ADAM32: variants seen among roughly 807,000 people sequenced by gnomAD.
ADAM32 encodes ADAM metallopeptidase domain 32.
Under a neutral mutation model 114.9 loss-of-function variants are expected in ADAM32, and 89 were observed. That is an observed-to-expected ratio of 0.77 (90% CI 0.65 to 0.92). The LOEUF is 0.92. Among genes scored for constraint, ADAM32 ranks in the 40% least tolerant of loss-of-function variants. The pLI is 0.00. For synonymous variants in ADAM32, 285 were observed against 307.5 expected (o/e 0.93, Z 0.77); for missense variants, 870 against 932.8 (o/e 0.93, Z 0.88).
At chr8:39,131,444 T>C (rs1802449818) in intron 2 of ADAM32, among the ~76,000 whole-genome samples, 2 of 152,172 alleles carry the variant, frequency 1.3e-5, no homozygotes, top group African/African-American at 4.8e-5. Context: ...TGAGCTGAGA[T>C]TGTGCCACAG....
intron 16 of ADAM32, among the ~76,000 whole-genome samples, chr8:39,244,825 A>T (rs917306055): frequency 3.3e-5 from 5 of 152,112 alleles, no homozygotes; most frequent in Non-Finnish European, 5.9e-5. Flanking sequence ...CGTTGTGCAC[A>T]TGTATCCTAA....
chr8:39,188,868 C>G (rs10095244), intron 11 of ADAM32, among the ~76,000 whole-genome samples: 37,520 of 152,056 alleles, frequency 0.25, 5,000 homozygotes, highest in Non-Finnish European at 0.29. Flanking sequence ...AATAATAGCA[C>G]ACGTGTAACT....
intron 7 of ADAM32, among the ~76,000 whole-genome samples, chr8:39,163,458 T>C (rs1432635973): frequency 9.1e-5 from 2 of 21,908 alleles, no homozygotes; most frequent in East Asian, 1.3e-3. Flanking sequence ...GGTGGGAAAA[T>C]TGGGGAAGGA....
At chr8:39,212,707 C>A (rs533517584) in intron 12 of ADAM32, among the ~76,000 whole-genome samples, 1 of 151,980 alleles carries the variant, frequency 6.6e-6, no homozygotes, top group South Asian at 2.1e-4. Flanking sequence ...CTGTTTTAAC[C>A]ATTCACCTGC....
intron 11 of ADAM32, among the ~76,000 whole-genome samples, chr8:39,210,911 C>CTG (rs144579864): frequency 1.5e-3 from 230 of 150,416 alleles, no homozygotes; most frequent in African/African-American, 3.9e-3. Flanking sequence ...AATTGGATTA[C>CTG]TGTGTGTGTG....
At chr8:39,211,770 A>G (rs1808237928) in intron 12 of ADAM32, among the ~76,000 whole-genome samples, 2 of 152,158 alleles carry the variant, frequency 1.3e-5, no homozygotes, top group African/African-American at 4.8e-5. Flanking sequence ...TGATAGGGAA[A>G]CCCTGAAAAT....
intron 18 of ADAM32, among the ~76,000 whole-genome samples, chr8:39,256,921 A>G (rs1159430839): frequency 1.3e-5 from 2 of 151,954 alleles, no homozygotes; most frequent in African/African-American, 4.8e-5. Flanking sequence ...TTTTGTCCCT[A>G]CTTAGAGGGT....
intron 11 of ADAM32, among the ~76,000 whole-genome samples, chr8:39,210,754 A>C (rs911348500): frequency 4.6e-5 from 7 of 152,258 alleles, no homozygotes; most frequent in African/African-American, 1.7e-4. Context: ...TTTTTCTGAG[A>C]TCTTCAGGAC....
intron 6 of ADAM32, 140 bp downstream of exon 6, chr8:39,151,688 T>TTTC: frequency 1.5e-6 from 1 of 685,816 alleles, no homozygotes; most frequent in Non-Finnish European, 2.2e-6. Context: ...TTTTTTTTTT[T>TTTC]TTTCTCACTC....
chr8:39,227,930 G>A (rs533168331), intron 14 of ADAM32, among the ~76,000 whole-genome samples: 11 of 152,214 alleles, frequency 7.2e-5, no homozygotes, highest in South Asian at 2.1e-4. Flanking sequence ...AGTCCATTAC[G>A]CCCTCCGCTG....
intron 5 of ADAM32, 107 bp from the exon 6 acceptor site, chr8:39,151,270 A>G: frequency 1.0e-6 from 1 of 992,212 alleles, no homozygotes; most frequent in Non-Finnish European, 1.4e-6. Flanking sequence ...ATTCAGAAAA[A>G]AATACTGGAC....
At chr8:39,250,187 C>T (rs1426468516) in intron 17 of ADAM32, among the ~76,000 whole-genome samples, 1 of 151,588 alleles carries the variant, frequency 6.6e-6, no homozygotes, top group East Asian at 1.9e-4. Context: ...CTTTTTTGTT[C>T]TCTTGGTATC....
rs1809107511 is a variant in ADAM32, at chr8:39,223,207, C to T, written c.1494C>T (p.Leu498=). 7.5e-6 allele frequency: 12 copies of T among 1,592,776 alleles called. No homozygotes were observed. Among genetic ancestry groups the T allele is most frequent in the South Asian group, 1.2e-5 (1 of 86,508 alleles). Residue 498 remains leucine (L), a synonymous_variant, in exon 14 of 25, where the codon CTC becomes CTT. Coordinates refer to ENST00000379907, the MANE Select transcript of ADAM32 (RefSeq NM_145004.7). ...GTTATGACGGAGACTGCCATGATCT[C>T]GATGCACGTTGTGAGAGTGTATTTG... ...FICYDGDCHD[L]DARCESVFGK... is the part of the protein sequence containing the mutation.
intron 11 of ADAM32, among the ~76,000 whole-genome samples, chr8:39,199,829 T>A (rs557675856): frequency 6.7e-6 from 1 of 149,082 alleles, no homozygotes; most frequent in Non-Finnish European, 1.5e-5. Flanking sequence ...TGTCCAAGTG[T>A]TCTCACTGTT....
Position 39,246,161 on chromosome 8 carries a change from C to A in ADAM32, c.1897C>A (p.His633Asn). The change falls in exon 17 of 25, where the codon CAT (histidine) becomes AAT (asparagine). Residue 633 changes from histidine (H) to asparagine (N), a missense_variant. His to Asn is a moderately conservative substitution (Grantham distance 68, BLOSUM62 1). Coordinates refer to ENST00000379907, the MANE Select transcript of ADAM32 (RefSeq NM_145004.7). The stretch of plus-strand genomic sequence containing the variant: ...TGTTTGTTCACAACAGTGTTCTGGA[C>A]ATGGAGTAAGTAACCACATGTTTCC... ...AHVCSQQCSG[H>N]GVCDSRNKCH... 2 of 1,612,116 alleles carry A rather than the reference C, an allele frequency of 1.2e-6. No individual in the cohort carries two copies. The highest frequency in any genetic ancestry group is 1.7e-6 in the Non-Finnish European group (2 of 1,178,700).
chr8:39,263,432 G>GAAC (rs1290925649), intron 19 of ADAM32, among the ~76,000 whole-genome samples: 1 of 151,862 alleles, frequency 6.6e-6, no homozygotes, highest in Non-Finnish European at 1.5e-5. Flanking sequence ...TTCTCCTTCT[G>GAAC]AACTTCCTGT....
At chr8:39,134,734 A>G (rs1802686455) in intron 2 of ADAM32, among the ~76,000 whole-genome samples, 1 of 152,188 alleles carries the variant, frequency 6.6e-6, no homozygotes, top group Admixed American at 6.5e-5. Context: ...GTATTTCATG[A>G]TAACTCCCAT....
intron 10 of ADAM32, among the ~76,000 whole-genome samples, chr8:39,175,996 G>A (rs1004760728): frequency 1.5e-4 from 23 of 152,068 alleles, no homozygotes; most frequent in African/African-American, 5.6e-4. Context: ...ATTCTCTGAT[G>A]GTTGTTTGTA....
intron 2 of ADAM32, among the ~76,000 whole-genome samples, chr8:39,133,296 T>TG (rs1220180659): frequency 6.6e-6 from 1 of 152,236 alleles, no homozygotes; most frequent in African/African-American, 2.4e-5. Context: ...CCACCATGGA[T>TG]GGAAGCTTCT....
Sources: gnomAD v4.1 joint callset for allele counts (sites outside exome capture counted in the v4.1 genomes callset) on GRCh38, gnomAD v4.1.1 for gene constraint, MANE v1.5 for transcripts, NCBI Gene and HGNC (gene_info 2026-07-23, HGNC 2026-07-21) for gene names.